Variants in WNT11 observed in about 807,000 individuals in gnomAD.
The protein encoded by WNT11 is protein Wnt-11.
In WNT11, 20 loss-of-function variants were observed where a neutral mutation model predicts 35.6. The observed-to-expected ratio is 0.56, with a 90% CI of 0.40 to 0.82. The LOEUF (loss-of-function observed/expected upper bound fraction) is 0.82, where lower values mean the gene tolerates loss of function less well. Among genes scored for constraint, WNT11 ranks in the 40% least tolerant of loss-of-function variants. The probability of loss-of-function intolerance (pLI) is 0.00; values close to 1 mark genes in which losing one functional copy is unlikely to be tolerated. For missense variants in WNT11, 459 were observed against 504.4 expected, an observed-to-expected ratio of 0.91 and a Z score of 0.86; for synonymous variants, 200 against 211.9, an observed-to-expected ratio of 0.94 and a Z score of 0.49.
At chr11:76,208,960 C>A (rs1953515050), upstream of WNT11, among the ~76,000 whole-genome samples, 1 of 152,068 alleles carries the variant, frequency 6.6e-6, no homozygotes, top group Non-Finnish European at 1.5e-5. Context: ...CCCAGCCCGC[C>A]AGGGGGCGCT....
At position 76,194,066 on chromosome 11, in the gene WNT11, C is replaced by T. The variant is rs1259361883; in HGVS notation, c.597+501G>A. The stretch of plus-strand genomic sequence containing the variant: ...CCGGAGGAAACTGTTCTAGCAGCTT[C>T]GGTTGGTGTGGGTGGGAGTCCCCGT... On this transcript the variant is annotated intron_variant, in intron 3 of 4. Coordinates refer to ENST00000322563, the MANE Select transcript of WNT11 (RefSeq NM_004626.3). This position sits in a 1 kb window ranked among gnomAD's most constrained non-coding sequence, Gnocchi z 5.4. Among the ~76,000 whole-genome samples, 3 of 151,980 alleles carry T rather than the reference C, an allele frequency of 2.0e-5. No individual in the cohort carries two copies. Among genetic ancestry groups the T allele is most frequent in the Non-Finnish European group, 2.9e-5 (2 of 67,994 alleles).
intron 4 of WNT11, among the ~76,000 whole-genome samples, chr11:76,188,652 G>A (rs1373051526): frequency 3.3e-5 from 5 of 152,236 alleles, no homozygotes; most frequent in Admixed American, 2.0e-4. Context: ...AGAGATGACC[G>A]AATGCAATCC....
intron 1 of WNT11, among the ~76,000 whole-genome samples, chr11:76,202,393 A>C (rs746335920): frequency 1.3e-5 from 2 of 152,088 alleles, no homozygotes; most frequent in Non-Finnish European, 2.9e-5. Context: ...AGAACAATTG[A>C]GTCGAGGAGA....
intron 3 of WNT11, among the ~76,000 whole-genome samples, 178 bp from the exon 4 acceptor site, chr11:76,192,034 GT>G (rs1292334213): frequency 6.6e-6 from 1 of 152,134 alleles, no homozygotes. Flanking sequence ...TCCTGCAACC[GT>G]GGGGGGCACA....
chr11:76,201,601 G>A (rs1392400597), intron 1 of WNT11, among the ~76,000 whole-genome samples: 2 of 152,150 alleles, frequency 1.3e-5, no homozygotes, highest in South Asian at 2.1e-4. Flanking sequence ...GGCGAGGCCC[G>A]AGCTCAGGGC....
intron 3 of WNT11, among the ~76,000 whole-genome samples, chr11:76,193,572 G>A (rs1953221495): frequency 6.6e-6 from 1 of 152,214 alleles, no homozygotes; most frequent in Non-Finnish European, 1.5e-5. Context: ...AGTATGATTT[G>A]GCTTCAGTTT....
chr11:76,207,010 G>C (rs1452021160), upstream of WNT11: 1 of 152,308 alleles, frequency 6.6e-6, no homozygotes, highest in Non-Finnish European at 1.5e-5. Context: ...TCCCAAACGT[G>C]TTTCAGTTTA....
chr11:76,201,781 T>G (rs1232695175), intron 1 of WNT11, among the ~76,000 whole-genome samples: 5 of 152,166 alleles, frequency 3.3e-5, no homozygotes, highest in African/African-American at 1.2e-4. Context: ...TACTGCTCAA[T>G]GCTTAAGAAC....
At position 76,193,460 on chromosome 11, in the gene WNT11, G is replaced by A. The variant is rs572888583; in HGVS notation, c.597+1107C>T. ...GGTGGTGGGCGTGCTGGCCGCTGGC[G>A]AAGGGCTCCCACTGGGTTTCATGAG... is the stretch of plus-strand genomic sequence containing the variant. On this transcript the variant is annotated intron_variant, in intron 3 of 4. Coordinates refer to ENST00000322563, the MANE Select transcript of WNT11 (RefSeq NM_004626.3). Among the ~76,000 whole-genome samples the A allele has an allele frequency of 3.9e-5, 6 of 152,236 alleles. No individual in the cohort carries two copies. The East Asian group carries it at 7.7e-4, about 20-fold the overall frequency.
At chr11:76,189,917 G>C (rs982480760) in intron 4 of WNT11, among the ~76,000 whole-genome samples, 3 of 152,218 alleles carry the variant, frequency 2.0e-5, no homozygotes, top group Admixed American at 6.5e-5. Context: ...CCCTAGGGAA[G>C]GACCGGGAGC....
At chr11:76,189,126 C>T (rs1953140568) in intron 4 of WNT11, among the ~76,000 whole-genome samples, 1 of 152,256 alleles carries the variant, frequency 6.6e-6, no homozygotes, top group African/African-American at 2.4e-5. Flanking sequence ...AGGCAGGTCA[C>T]TGAACCTTTT....
chr11:76,195,322 C>T (rs1045095605), intron 2 of WNT11, among the ~76,000 whole-genome samples: 6 of 152,204 alleles, frequency 3.9e-5, no homozygotes, highest in Non-Finnish European at 4.4e-5. Context: ...GAGGTCATAC[C>T]GGATCAGGGT....
chr11:76,196,682 G>C lies in WNT11; in HGVS notation c.120C>G (p.Asn40Lys). 7.4e-6 allele frequency: 12 copies of C among 1,613,070 alleles called. No homozygotes were observed. The highest frequency in any genetic ancestry group is 9.3e-6 in the Non-Finnish European group (11 of 1,179,802). ...CCAGCTGCTTGCAGTGTTGCGTCTG[G>C]TTCAGTGCCAGGGCCGATGGTGTCT... ...LSKTPSALAL[N>K]QTQHCKQLEG... Residue 40 changes from asparagine (N) to lysine (K), a missense_variant, in exon 2 of 5, where the codon AAC becomes AAG. Asn to Lys is a moderately conservative substitution (Grantham distance 94, BLOSUM62 0). Transcript: ENST00000322563.
chr11:76,188,004 A>T lies in WNT11; in HGVS notation c.891-765T>A, dbSNP rs560757101. Among the ~76,000 whole-genome samples the T allele has an allele frequency of 1.2e-4, 19 of 152,324 alleles. No homozygotes were observed. The East Asian group carries it at 3.7e-3, about 29-fold the overall frequency. The stretch of plus-strand genomic sequence containing the variant: ...TGCCTCAGCCTCCCGAGTAGCTGGG[A>T]TTACAGGCGTGTGCCACCACACACA... On this transcript the variant is annotated intron_variant, in intron 4 of 4. Coordinates refer to ENST00000322563, the MANE Select transcript of WNT11 (RefSeq NM_004626.3).
chr11:76,194,601 AGTTTATTG>A lies in WNT11; in HGVS notation c.555_562del (p.Asn186AspfsTer7). On this transcript the variant is annotated frameshift_variant, in exon 3 of 5. Transcript: ENST00000322563. LOFTEE classifies it high-confidence loss of function. This position sits in a 1 kb window ranked among gnomAD's most constrained non-coding sequence, Gnocchi z 5.4. ...CACTTCACTGTTGTGTAGACGCATCAGTTTATTGGCTTGGGATCCTGTTTTTTTCACCT... is the reference window on the plus strand; with the variant it reads ...CACTTCACTGTTGTGTAGACGCATCAGCTTGGGATCCTGTTTTTTTCACCT... 7.1e-6 allele frequency: 11 copies of A among 1,550,184 alleles called. No individual in the cohort carries two copies. The highest frequency in any genetic ancestry group is 8.7e-6 in the Non-Finnish European group (10 of 1,146,912).
intron 1 of WNT11, among the ~76,000 whole-genome samples, chr11:76,204,756 G>C (rs1374119454): frequency 6.6e-6 from 1 of 152,072 alleles, no homozygotes; most frequent in Non-Finnish European, 1.5e-5. Flanking sequence ...CCACAGGCCA[G>C]CGTGGGGGCT....
In WNT11 at chr11:76,194,673, C is replaced by G; in HGVS notation, c.491G>C (p.Gly164Ala). The G allele has an allele frequency of 6.4e-7, 1 of 1,550,702 alleles. No homozygotes were observed. The highest frequency in any genetic ancestry group is 8.7e-7 in the Non-Finnish European group (1 of 1,146,962). The change falls in exon 3 of 5, where the codon GGG becomes GCG. Residue 164 changes from glycine to alanine, a missense_variant. Physicochemically the swap from Gly to Ala is moderately conservative, Grantham distance 60. Transcript: ENST00000322563. The surrounding 1 kb of genome is among the most constrained non-coding windows in gnomAD (Gnocchi z 5.4). Reference sequence around the variant, plus strand: ...GGAAAACTTGGCCCCCATGAGGAGCCCGTAGCTGAGGTTGTCCGCACATCC... The same window carrying G: ...GGAAAACTTGGCCCCCATGAGGAGCGCGTAGCTGAGGTTGTCCGCACATCC... ...WGGCADNLSY[G>A]LLMGAKFSDA...
rs1284083871 is a variant in WNT11, at chr11:76,194,473, C to T, written c.597+94G>A. 2.1e-6 allele frequency: 3 copies of T among 1,445,088 alleles called. No homozygotes were observed. The highest frequency in any genetic ancestry group is 1.4e-5 in the African/African-American group (1 of 70,090). 89.5% of individuals were successfully genotyped at this position (1,445,088 alleles called of 1,614,324 possible). A position where few individuals can be genotyped will look rare whatever the true frequency, so the allele number is the denominator to read the frequency against. On this transcript the variant is annotated intron_variant, in intron 3 of 4. Transcript: ENST00000322563. This position sits in a 1 kb window ranked among gnomAD's most constrained non-coding sequence, Gnocchi z 5.4. The stretch of plus-strand genomic sequence containing the variant: ...GTGTGGGCCAGTCAGGGCCCGTCCC[C>T]CCGCACCCCCCACCACTGGGGCAAG...
intron 1 of WNT11, among the ~76,000 whole-genome samples, chr11:76,199,983 T>C (rs1403249988): frequency 1.3e-5 from 2 of 152,152 alleles, no homozygotes; most frequent in Admixed American, 1.3e-4. Flanking sequence ...CCTCTCAGGG[T>C]CCTGCCAAGG....
Sources: gnomAD v4.1 joint callset for allele counts (sites outside exome capture counted in the v4.1 genomes callset) on GRCh38, gnomAD v4.1.1 for gene constraint, Gnocchi (gnomAD v3.1) non-coding constraint, MANE v1.5 for transcripts, NCBI Gene and HGNC (gene_info 2026-07-23, HGNC 2026-07-21) for gene names.